The following ZC3H6 variants were observed in gnomAD, a reference collection of about 807,000 sequenced individuals.
The protein encoded by ZC3H6 is zinc finger CCCH domain-containing protein 6.
In ZC3H6, 40 loss-of-function variants were observed where a neutral mutation model predicts 107.7. The ratio of observed to expected loss-of-function variants is 0.37; its 90% CI spans 0.29 to 0.48. The LOEUF (loss-of-function observed/expected upper bound fraction) is 0.48, where lower values mean the gene tolerates loss of function less well. ZC3H6 is among the 20% of genes least tolerant of loss of function. ZC3H6 has a pLI of 0.98. For synonymous variants in ZC3H6, 493 were observed against 487.9 expected, an observed-to-expected ratio of 1.01 and a Z score of -0.14; for missense variants, 1,267 against 1,410.4, an observed-to-expected ratio of 0.90 and a Z score of 1.63.
chr2:112,300,032 T>C lies in ZC3H6; in HGVS notation c.213+3T>C. On this transcript the variant is annotated splice_donor_region_variant and intron_variant, in intron 2 of 11. Coordinates refer to ENST00000409871, the MANE Select transcript of ZC3H6 (RefSeq NM_198581.3). ...GGAGAAAACGTGAGAAACATAAGGT[T>C]AGTTAGAATCTACTTTTTATTCTTT... The C allele has an allele frequency of 7.2e-7, 1 of 1,395,042 alleles. No individual in the cohort carries two copies. The highest frequency in any genetic ancestry group is 9.4e-7 in the Non-Finnish European group (1 of 1,068,702). The allele number at this position is 1,395,042 out of a possible 1,614,324, so 86.4% of individuals were successfully genotyped here.
At chr2:112,304,018 G>A (rs1487728876) in intron 3 of ZC3H6, among the ~76,000 whole-genome samples, 1 of 152,120 alleles carries the variant, frequency 6.6e-6, no homozygotes, top group African/African-American at 2.4e-5. Flanking sequence ...TATTTACAAT[G>A]TTTACATATT....
chr2:112,309,866 A>G lies in ZC3H6; in HGVS notation c.337-19A>G. The G allele has an allele frequency of 6.4e-7, 1 of 1,550,966 alleles. No homozygotes were observed. The highest frequency in any genetic ancestry group is 8.7e-7 in the Non-Finnish European group (1 of 1,146,962). On this transcript the variant is annotated intron_variant, in intron 3 of 11. Coordinates refer to ENST00000409871, the MANE Select transcript of ZC3H6 (RefSeq NM_198581.3). The stretch of plus-strand genomic sequence containing the variant: ...ATATAATTGAAAAATCCTGATAATG[A>G]TTGTCCATTTTCACTTAGCGTGGAC...
chr2:112,289,088 G>T (rs973932910), intron 1 of ZC3H6, among the ~76,000 whole-genome samples: 7 of 129,444 alleles, frequency 5.4e-5, no homozygotes, highest in Non-Finnish European at 1.1e-4. Flanking sequence ...ACAGAATCCC[G>T]CCCTGTTGCC....
At chr2:112,302,848 A>C (rs2104707203) in intron 2 of ZC3H6, among the ~76,000 whole-genome samples, 1 of 152,104 alleles carries the variant, frequency 6.6e-6, no homozygotes, top group Admixed American at 6.5e-5. Flanking sequence ...ATTTTAGGTA[A>C]AAACAAATTA....
chr2:112,303,759 A>G (rs1041343046), intron 3 of ZC3H6, among the ~76,000 whole-genome samples: 1 of 152,154 alleles, frequency 6.6e-6, no homozygotes, highest in Non-Finnish European at 1.5e-5. Context: ...CGTTGTGTGT[A>G]TATATCACAT....
At chr2:112,309,517 C>T (rs1396663847) in intron 3 of ZC3H6, among the ~76,000 whole-genome samples, 1 of 152,142 alleles carries the variant, frequency 6.6e-6, no homozygotes, top group African/African-American at 2.4e-5. Context: ...TACCACACTC[C>T]TCCACCCCAA....
chr2:112,275,905 C>T lies in ZC3H6; in HGVS notation c.-90C>T. 8.3e-7 allele frequency: 1 copy of T among 1,210,082 alleles called. No homozygotes were observed. Among genetic ancestry groups the T allele is most frequent in the Non-Finnish European group, 1.1e-6 (1 of 884,852 alleles). The allele number at this position is 1,210,082 out of a possible 1,614,324, so 75.0% of individuals were successfully genotyped here. A position where few individuals can be genotyped will look rare whatever the true frequency, so the allele number is the denominator to read the frequency against. ...TGTCGGCGGCGGCCGGGAGCAGGTT[C>T]CCGCAGGCGGCGCGGGGGGTCTTCC... On this transcript the variant is annotated 5_prime_UTR_variant, in exon 1 of 12. Transcript: ENST00000409871.
At chr2:112,324,759 T>C in intron 10 of ZC3H6, 96 bp downstream of exon 10, 1 of 1,271,464 alleles carries the variant, frequency 7.9e-7, no homozygotes, top group Non-Finnish European at 1.1e-6. Context: ...TAAGTAAAGC[T>C]GAGTAAAATT....
At position 112,331,257 on chromosome 2, in the gene ZC3H6, G is replaced by A. The variant is rs1276939563; in HGVS notation, c.2339G>A (p.Arg780Lys). 1.9e-6 allele frequency: 3 copies of A among 1,613,814 alleles called. No homozygotes were observed. The highest frequency in any genetic ancestry group is 2.5e-6 in the Non-Finnish European group (3 of 1,179,884). ...TCTGAGTCTGCCCCACTGGATCTTA[G>A]ACTTGCGTGGGATCCCAGGAAATTG... ...KPSESAPLDL[R>K]LAWDPRKLRG... The change falls in exon 12 of 12, where the codon AGA becomes AAA. Residue 780 changes from arginine (R) to lysine (K), a missense_variant. Coordinates refer to ENST00000409871, the MANE Select transcript of ZC3H6 (RefSeq NM_198581.3).
At chr2:112,330,192 A>G (rs1676998845) in intron 11 of ZC3H6, among the ~76,000 whole-genome samples, 1 of 151,764 alleles carries the variant, frequency 6.6e-6, no homozygotes, top group Non-Finnish European at 1.5e-5. Context: ...AGCTGGGACT[A>G]CATGTGCCCG....
In ZC3H6 at chr2:112,331,462, G is replaced by A. The variant is rs1210724145; in HGVS notation, c.2544G>A (p.Met848Ile). 1 of 1,613,936 alleles carries A rather than the reference G, an allele frequency of 6.2e-7. No individual in the cohort carries two copies. The highest frequency in any genetic ancestry group is 1.3e-5 in the African/African-American group (1 of 75,038). The change falls in exon 12 of 12, where the codon ATG becomes ATA. Residue 848 changes from methionine to isoleucine, a missense_variant. Physicochemically the swap from Met to Ile is conservative, Grantham distance 10. This residue lies in a region of ZC3H6 where 925 missense variants were observed against 1,025.7 expected (regional missense o/e 0.90). Coordinates refer to ENST00000409871, the MANE Select transcript of ZC3H6 (RefSeq NM_198581.3). ...CTTTGGATGCCTCACCTGGCATAAT[G>A]CTCCAGGATCCAAGGTCACAATTGA... ...LIPLDASPGI[M>I]LQDPRSQLRQ...
intron 1 of ZC3H6, among the ~76,000 whole-genome samples, chr2:112,277,669 T>G (rs1238895345): frequency 2.0e-5 from 3 of 152,216 alleles, no homozygotes; most frequent in Non-Finnish European, 2.9e-5. Flanking sequence ...TCTATTTTAT[T>G]TAAAATTCGG....
rs113360331 is a variant in ZC3H6 at position 112,320,542 on chromosome 2, A to G, written c.977-1214A>G. Among the ~76,000 whole-genome samples, 1,100 of 152,300 alleles carry G rather than the reference A, an allele frequency of 7.2e-3. 10 individuals are homozygous for G. Among genetic ancestry groups the G allele is most frequent in the Middle Eastern group, 0.031 (9 of 294 alleles). The stretch of plus-strand genomic sequence containing the variant: ...AAATACTCCTTCCTTTTTAAAAAAA[A>G]TGTTGTAATAGTCTCAGGTCAGAAG... On this transcript the variant is annotated intron_variant, in intron 7 of 11. Transcript: ENST00000409871.
chr2:112,290,651 C>T (rs1458402580), intron 1 of ZC3H6, among the ~76,000 whole-genome samples: 4 of 147,880 alleles, frequency 2.7e-5, no homozygotes, highest in East Asian at 3.9e-4. Context: ...GAATGAATGG[C>T]CTTTTTTTTT....
intron 1 of ZC3H6, among the ~76,000 whole-genome samples, chr2:112,284,715 G>A (rs1686577337): frequency 6.6e-6 from 1 of 152,134 alleles, no homozygotes; most frequent in Non-Finnish European, 1.5e-5. Context: ...TTATATGTGT[G>A]TGTATACAAA....
In ZC3H6 at chr2:112,310,041, GAAGATTTTGCCA is replaced by G; in HGVS notation, c.495_506del (p.Glu165_Asn169delinsAsp). On this transcript the variant is annotated inframe_deletion, in exon 4 of 12. Coordinates refer to ENST00000409871, the MANE Select transcript of ZC3H6 (RefSeq NM_198581.3). Reference sequence around the variant, plus strand: ...TGGTAACTACGGTCAGGAAACAGAGGAAGATTTTGCCAATCAGCTGAAACAATACAGGCAAGC... The same window carrying G: ...TGGTAACTACGGTCAGGAAACAGAGGATCAGCTGAAACAATACAGGCAAGC... 1 of 1,613,622 alleles carries G rather than the reference GAAGATTTTGCCA, an allele frequency of 6.2e-7. No homozygotes were observed. The highest frequency in any genetic ancestry group is 8.5e-7 in the Non-Finnish European group (1 of 1,179,744).
At chr2:112,287,716 C>T (rs1257701286) in intron 1 of ZC3H6, among the ~76,000 whole-genome samples, 6 of 152,228 alleles carry the variant, frequency 3.9e-5, no homozygotes, top group Non-Finnish European at 8.8e-5. Flanking sequence ...ATTGTCCTGC[C>T]TCAGCCTCCC....
At chr2:112,327,119 C>A (rs914817086) in intron 11 of ZC3H6, among the ~76,000 whole-genome samples, 65 of 152,164 alleles carry the variant, frequency 4.3e-4, no homozygotes, top group African/African-American at 1.5e-3. Context: ...AGTGGTCGTA[C>A]TAATTTACTT....
rs1558960024 is a variant in ZC3H6 at position 112,334,752 on chromosome 2, GTTTA to G, written c.*2268_*2271del. The G allele has an allele frequency of 6.6e-6, 1 of 152,488 alleles. No individual in the cohort carries two copies. The highest frequency in any genetic ancestry group is 1.5e-5 in the Non-Finnish European group (1 of 67,974). The allele number at this position is 152,488 out of a possible 1,614,324, so 9.4% of individuals were successfully genotyped here. A position where few individuals can be genotyped will look rare whatever the true frequency, so the allele number is the denominator to read the frequency against. Reference sequence around the variant, plus strand: ...TATTCTGTCATATCCTGTAAACATAGTTTATTTTTCTTCTTTTTTCCCATTTTCT... The same window carrying G: ...TATTCTGTCATATCCTGTAAACATAGTTTTTCTTCTTTTTTCCCATTTTCT... On this transcript the variant is annotated 3_prime_UTR_variant, in exon 12 of 12. Transcript: ENST00000409871.
Sources: allele counts gnomAD v4.1 joint callset (sites outside exome capture counted in the v4.1 genomes callset), GRCh38; gene constraint gnomAD v4.1.1; regional missense constraint gnomAD v4.1.1; transcripts MANE v1.5; gene names NCBI Gene and HGNC (gene_info 2026-07-23, HGNC 2026-07-21).